The following GATA4 variants were observed in gnomAD, a reference collection of about 807,000 sequenced individuals.
GATA4 encodes the protein GATA binding protein 4.
GATA4 carries 7 observed loss-of-function variants against 37.9 expected under a neutral mutation model. The observed-to-expected ratio is 0.18, with a 90% CI of 0.11 to 0.35. The LOEUF is 0.35. Among genes scored for constraint, GATA4 ranks in the 10% least tolerant of loss-of-function variants. The probability of loss-of-function intolerance (pLI) is 1.00; values close to 1 mark genes in which losing one functional copy is unlikely to be tolerated. For missense variants in GATA4, 647 were observed against 653.0 expected, an observed-to-expected ratio of 0.99 and a Z score of 0.10; for synonymous variants, 372 against 292.6, an observed-to-expected ratio of 1.27 and a Z score of -2.77.
chr8:11,712,019 A>G (rs948364829), intron 2 of GATA4, among the ~76,000 whole-genome samples: 1 of 152,198 alleles, frequency 6.6e-6, no homozygotes, highest in Non-Finnish European at 1.5e-5. Flanking sequence ...GCCTCGTGTC[A>G]TCTTGGGCAA....
At chr8:11,677,859 G>A (rs1292425470) in intron 1 of GATA4, among the ~76,000 whole-genome samples, 1 of 152,026 alleles carries the variant, frequency 6.6e-6, no homozygotes, top group Non-Finnish European at 1.5e-5. Context: ...TTCTTCCCCA[G>A]GCCCACTGCG....
intron 2 of GATA4, among the ~76,000 whole-genome samples, chr8:11,724,982 C>T (rs1216226346): frequency 1.3e-5 from 2 of 152,248 alleles, no homozygotes; most frequent in East Asian, 1.9e-4. Flanking sequence ...CCCTCATGCC[C>T]GCAGTGTACA....
At chr8:11,705,959 T>C (rs1799871758) in intron 1 of GATA4, 1 of 152,236 alleles carries the variant, frequency 6.6e-6, no homozygotes, top group Non-Finnish European at 1.5e-5. Flanking sequence ...CTGCAGGAGT[T>C]GAGTATTCCA....
At chr8:11,693,088 A>G (rs1201292264) in intron 1 of GATA4, 2 of 982,632 alleles carry the variant, frequency 2.0e-6, no homozygotes, top group East Asian at 2.3e-4. Context: ...CAACAAATAC[A>G]TGGCTTTATT....
chr8:11,695,413 A>AG (rs569755686), intron 1 of GATA4, among the ~76,000 whole-genome samples: 49 of 152,280 alleles, frequency 3.2e-4, no homozygotes, highest in African/African-American at 1.1e-3. Context: ...TCTCAAAAAA[A>AG]AAATAAATAA....
rs1800048804 is a variant in GATA4, at chr8:11,709,166, G to A, written c.616+238G>A. 1.3e-5 allele frequency among the ~76,000 whole-genome samples: 2 copies of A among 152,212 alleles called. No homozygotes were observed. The highest frequency in any genetic ancestry group is 2.9e-5 in the Non-Finnish European group (2 of 68,034). Reference sequence around the variant, plus strand: ...CCGCCGGGGCCTCTTCTGAGATGGTGTCAGGGTCGGAGTGCGGCCTCCCCG... The same window carrying A: ...CCGCCGGGGCCTCTTCTGAGATGGTATCAGGGTCGGAGTGCGGCCTCCCCG... On this transcript the variant is annotated intron_variant, in intron 2 of 6. Coordinates refer to ENST00000532059, the MANE Select transcript of GATA4 (RefSeq NM_001308093.3). The surrounding 1 kb of genome is among the most constrained non-coding windows in gnomAD (Gnocchi z 4.3).
Position 11,707,953 on chromosome 8 carries a change from C to T in GATA4, c.-360C>T, listed in dbSNP as rs1799968496. On this transcript the variant is annotated 5_prime_UTR_variant, in exon 2 of 7. Transcript: ENST00000532059. This position sits in a 1 kb window ranked among gnomAD's most constrained non-coding sequence, Gnocchi z 4.7. The stretch of plus-strand genomic sequence containing the variant: ...GCCTCTCGGTGTGACGAGTGGGGGA[C>T]CCGAAGGCTCGTGCGCCACCTCCAG... 1 of 332,360 alleles carries T rather than the reference C, an allele frequency of 3.0e-6. No individual in the cohort carries two copies. The highest frequency in any genetic ancestry group is 2.2e-5 in the African/African-American group (1 of 44,668). 20.6% of individuals were successfully genotyped at this position (332,360 alleles called of 1,614,324 possible).
At chr8:11,680,834 C>A in intron 1 of GATA4, 1 of 985,406 alleles carries the variant, frequency 1.0e-6, no homozygotes, top group Non-Finnish European at 1.2e-6. Context: ...ACGCTCTGGG[C>A]AGCAAGACAC....
intron 1 of GATA4, among the ~76,000 whole-genome samples, chr8:11,685,587 T>C (rs564316575): frequency 1.4e-4 from 22 of 152,340 alleles, no homozygotes; most frequent in African/African-American, 2.9e-4. Flanking sequence ...AGAACAGCCC[T>C]GGACTCCTGA....
At chr8:11,720,343 A>G (rs1406900669) in intron 2 of GATA4, among the ~76,000 whole-genome samples, 1 of 152,106 alleles carries the variant, frequency 6.6e-6, no homozygotes, top group Non-Finnish European at 1.5e-5. Context: ...CTGCGTGGAC[A>G]TCAAACTCGA....
chr8:11,748,020 G>C (rs1286500850), intron 2 of GATA4, among the ~76,000 whole-genome samples: 1 of 152,170 alleles, frequency 6.6e-6, no homozygotes, highest in East Asian at 1.9e-4. Flanking sequence ...TTGAGGTCAG[G>C]AGTTTGAGAC....
In GATA4 at chr8:11,758,518, T is replaced by C; in HGVS notation, c.*43T>C. On this transcript the variant is annotated 3_prime_UTR_variant, in exon 7 of 7. Coordinates refer to ENST00000532059, the MANE Select transcript of GATA4 (RefSeq NM_001308093.3). ...TCAAATTCCTGCACGGACCTGGGAC[T>C]TGGAGGATAGCAAAGAAGGAGGCCC... is the stretch of plus-strand genomic sequence containing the variant. The C allele has an allele frequency of 6.2e-7, 1 of 1,605,334 alleles. No homozygotes were observed.
intron 2 of GATA4, among the ~76,000 whole-genome samples, chr8:11,721,619 G>C (rs1359662714): frequency 6.6e-6 from 1 of 152,040 alleles, no homozygotes; most frequent in Non-Finnish European, 1.5e-5. Context: ...AGCAGGGCAC[G>C]GCGGCTGTGT....
At chr8:11,757,140 C>T in intron 6 of GATA4, 57 bp downstream of exon 6, 1 of 1,605,678 alleles carries the variant, frequency 6.2e-7, no homozygotes, top group South Asian at 1.1e-5. Flanking sequence ...CTGCAGAGTC[C>T]CAGAGGCCAG....
chr8:11,701,450 G>A (rs1585579677), upstream of GATA4, among the ~76,000 whole-genome samples: 1 of 152,090 alleles, frequency 6.6e-6, no homozygotes, highest in Admixed American at 6.6e-5. Flanking sequence ...CCTCTGGAGC[G>A]AGAGAGAAGC....
chr8:11,701,630 C>A (rs1293888626), upstream of GATA4, among the ~76,000 whole-genome samples: 1 of 152,140 alleles, frequency 6.6e-6, no homozygotes, highest in Non-Finnish European at 1.5e-5. Flanking sequence ...AAAGGAAACA[C>A]CCCCAAAAAA....
chr8:11,680,784 A>C lies in GATA4; in HGVS notation c.-274+3721A>C, dbSNP rs900942084. 2.1e-4 allele frequency: 209 copies of C among 984,746 alleles called. 2 individuals carry two copies. In the South Asian group the frequency reaches 9.1e-3, roughly 43 times the overall value. 61.0% of individuals were successfully genotyped at this position (984,746 alleles called of 1,614,324 possible). On this transcript the variant is annotated intron_variant, in intron 1 of 6. Coordinates refer to the GATA4 transcript ENST00000528712. ...ACCCCTCTCCAGATGCGAGGTGCTC[A>C]CCCGCCCCTCGCCCTGCTCACCCCG...
intron 1 of GATA4, chr8:11,681,122 G>A (rs1054020178): frequency 2.0e-6 from 2 of 984,706 alleles, no homozygotes; most frequent in African/African-American, 3.5e-5. Flanking sequence ...TTCGTGGTCC[G>A]GAAAACCGAG....
intron 1 of GATA4, among the ~76,000 whole-genome samples, chr8:11,686,997 C>CA (rs56173582): frequency 0.027 from 3,168 of 115,320 alleles, 44 homozygotes; most frequent in Admixed American, 0.062. Context: ...GAATCCGTTT[C>CA]AAAAAAAAAA....
Sources: gnomAD v4.1 joint callset for allele counts (sites outside exome capture counted in the v4.1 genomes callset) on GRCh38, gnomAD v4.1.1 for gene constraint, Gnocchi (gnomAD v3.1) non-coding constraint, MANE v1.5 for transcripts, NCBI Gene and HGNC (gene_info 2026-07-23, HGNC 2026-07-21) for gene names.